The following ATRNL1 variants were observed in gnomAD, a reference collection of about 807,000 sequenced individuals.
The protein encoded by ATRNL1 is attractin like 1, also known as attractin-like protein 1.
A neutral mutation model predicts 182.7 loss-of-function variants in ATRNL1; 95 were observed. That is an observed-to-expected ratio of 0.52 (90% CI 0.44 to 0.62). The LOEUF (loss-of-function observed/expected upper bound fraction) is 0.62. Among genes scored for constraint, ATRNL1 ranks in the 20% least tolerant of loss-of-function variants. The pLI, the probability that ATRNL1 is intolerant of heterozygous loss-of-function variation, is 0.00. For synonymous variants in ATRNL1, 576 were observed against 568.3 expected (o/e 1.01, Z -0.19); for missense variants, 1,471 against 1,679.5 (o/e 0.88, Z 2.17).
intron 9 of ATRNL1, among the ~76,000 whole-genome samples, chr10:115,229,244 A>G (rs1477175886): frequency 6.6e-6 from 1 of 152,198 alleles, no homozygotes; most frequent in Non-Finnish European, 1.5e-5. Flanking sequence ...CTTCAATTTG[A>G]TATAATAGAA....
intron 17 of ATRNL1, among the ~76,000 whole-genome samples, chr10:115,308,262 T>C (rs1360338166): frequency 6.6e-6 from 1 of 152,166 alleles, no homozygotes; most frequent in Non-Finnish European, 1.5e-5. Flanking sequence ...ATTGGCATTA[T>C]TAGTAATTGA....
At chr10:115,255,592 A>G (rs185566125) in intron 10 of ATRNL1, among the ~76,000 whole-genome samples, 1 of 152,274 alleles carries the variant, frequency 6.6e-6, no homozygotes, top group Non-Finnish European at 1.5e-5. Context: ...AACAGGGACA[A>G]TTTGACTTCC....
intron 8 of ATRNL1, among the ~76,000 whole-genome samples, chr10:115,206,856 G>A (rs1360869230): frequency 2.0e-5 from 3 of 151,960 alleles, no homozygotes; most frequent in Admixed American, 2.0e-4. Flanking sequence ...CTGCCGACAG[G>A]TCCCAGTGTG....
chr10:115,775,059 T>G (rs1593199102), intron 27 of ATRNL1, among the ~76,000 whole-genome samples: 1 of 152,292 alleles, frequency 6.6e-6, no homozygotes, highest in East Asian at 1.9e-4. Context: ...CTTTAGAAAA[T>G]AATAAATCCT....
intron 19 of ATRNL1, among the ~76,000 whole-genome samples, chr10:115,389,742 T>C (rs1371750845): frequency 1.3e-5 from 2 of 151,346 alleles, no homozygotes; most frequent in African/African-American, 4.8e-5. Flanking sequence ...GACGATATGG[T>C]AATTGTAATT....
chr10:115,368,477 C>T (rs1157188298), intron 19 of ATRNL1, among the ~76,000 whole-genome samples: 6 of 152,188 alleles, frequency 3.9e-5, no homozygotes, highest in Non-Finnish European at 8.8e-5. Flanking sequence ...CAGAAATCAC[C>T]CGTCTTCTGC....
intron 21 of ATRNL1, among the ~76,000 whole-genome samples, chr10:115,445,523 G>A (rs1304843787): frequency 1.3e-5 from 2 of 148,288 alleles, no homozygotes; most frequent in Admixed American, 6.7e-5. Context: ...GTGTGTGTGT[G>A]TGTGTGTGTG....
intron 27 of ATRNL1, among the ~76,000 whole-genome samples, chr10:115,775,288 C>A (rs782607353): frequency 5.9e-5 from 9 of 152,136 alleles, no homozygotes; most frequent in African/African-American, 9.7e-5. Context: ...TTGGCTGGAT[C>A]TTTTAGAATA....
At chr10:115,545,929 A>G (rs1852626482) in intron 25 of ATRNL1, among the ~76,000 whole-genome samples, 1 of 152,196 alleles carries the variant, frequency 6.6e-6, no homozygotes, top group Admixed American at 6.5e-5. Context: ...TTGCAATTTA[A>G]TACTTTGAAC....
chr10:115,914,494 G>A (rs550243709), intron 28 of ATRNL1, among the ~76,000 whole-genome samples: 6 of 152,278 alleles, frequency 3.9e-5, no homozygotes, highest in African/African-American at 7.2e-5. Flanking sequence ...TGCCACATGC[G>A]TACCCAGCTT....
chr10:115,493,123 T>G (rs997987801), intron 24 of ATRNL1, among the ~76,000 whole-genome samples: 4 of 152,158 alleles, frequency 2.6e-5, no homozygotes, highest in African/African-American at 9.7e-5. Flanking sequence ...TCTTATCAAC[T>G]TTTATTTTAG....
intron 5 of ATRNL1, among the ~76,000 whole-genome samples, chr10:115,130,143 TAATA>T (rs1226334890): frequency 6.6e-6 from 1 of 152,124 alleles, no homozygotes; most frequent in Non-Finnish European, 1.5e-5. Flanking sequence ...GTATATAAAA[TAATA>T]AATATTGTCA....
intron 27 of ATRNL1, among the ~76,000 whole-genome samples, chr10:115,799,413 G>T (rs968428911): frequency 6.6e-6 from 1 of 152,136 alleles, no homozygotes; most frequent in African/African-American, 2.4e-5. Flanking sequence ...TCCCTCATGG[G>T]GATGCTGGAC....
chr10:115,567,347 T>G (rs1172985787), intron 26 of ATRNL1, among the ~76,000 whole-genome samples: 2 of 152,176 alleles, frequency 1.3e-5, no homozygotes, highest in Non-Finnish European at 2.9e-5. Context: ...TGTGTTTTAA[T>G]TACTCTTTGA....
intron 15 of ATRNL1, among the ~76,000 whole-genome samples, chr10:115,287,597 G>T (rs1184458227): frequency 6.6e-6 from 1 of 152,016 alleles, no homozygotes; most frequent in Non-Finnish European, 1.5e-5. Context: ...AGAATTGTAT[G>T]TATTTATGGG....
At chr10:115,109,042 A>T (rs1844145970) in intron 1 of ATRNL1, among the ~76,000 whole-genome samples, 1 of 152,074 alleles carries the variant, frequency 6.6e-6, no homozygotes, top group South Asian at 2.1e-4. Flanking sequence ...CAATATTCTG[A>T]TCATAAGCAC....
In ATRNL1 at chr10:115,942,632, A is replaced by T. The variant is rs116943832; in HGVS notation, c.4019-2026A>T. Among the ~76,000 whole-genome samples, 391 of 152,366 alleles carry T rather than the reference A, an allele frequency of 2.6e-3. 19 individuals carry two copies. The East Asian group carries it at 0.063, about 24-fold the overall frequency. ...AGAATTAACTGACCCACAGGAATAAAATAATGATATTCTACGTAGGATAAG... is the reference window on the plus strand; with the variant it reads ...AGAATTAACTGACCCACAGGAATAATATAATGATATTCTACGTAGGATAAG... On this transcript the variant is annotated intron_variant, in intron 28 of 28. Coordinates refer to ENST00000355044, the MANE Select transcript of ATRNL1 (RefSeq NM_207303.4).
intron 26 of ATRNL1, among the ~76,000 whole-genome samples, chr10:115,549,845 A>G (rs1565156669): frequency 6.6e-6 from 1 of 152,042 alleles, no homozygotes. Flanking sequence ...TAGTTATGCT[A>G]TAAAGACATA....
At chr10:115,703,075 G>A (rs1174763368) in intron 26 of ATRNL1, among the ~76,000 whole-genome samples, 5 of 151,930 alleles carry the variant, frequency 3.3e-5, no homozygotes, top group African/African-American at 9.7e-5. Context: ...TAGACCAGTG[G>A]AACAAGATAG....
Sources: gnomAD v4.1 joint callset for allele counts (sites outside exome capture counted in the v4.1 genomes callset) on GRCh38, gnomAD v4.1.1 for gene constraint, MANE v1.5 for transcripts, NCBI Gene and HGNC (gene_info 2026-07-23, HGNC 2026-07-21) for gene names.